TMEM240: variants seen among roughly 807,000 people sequenced by gnomAD.
The protein encoded by TMEM240 is transmembrane protein 240, also known as transmembrane protein C1orf70.
TMEM240 carries 3 observed loss-of-function variants against 19.5 expected under a neutral mutation model. The ratio of observed to expected loss-of-function variants is 0.15; its 90% CI spans 0.07 to 0.40. TMEM240 has a LOEUF of 0.40. Among genes scored for constraint, TMEM240 ranks in the 10% least tolerant of loss-of-function variants. The probability of loss-of-function intolerance (pLI) is 1.00; values close to 1 mark genes in which losing one functional copy is unlikely to be tolerated. For missense variants in TMEM240, 210 were observed against 253.5 expected, an observed-to-expected ratio of 0.83 and a Z score of 1.17; for synonymous variants, 123 against 109.3, an observed-to-expected ratio of 1.13 and a Z score of -0.78.
rs1229300923 is a variant in TMEM240, at chr1:1,540,392, G to GC, written c.-47dup. ...CGGAGCGCCGCCCCCCGGCCCCGGC[G>GC]CCCCCCCGGCCCCGGCCCGATGCTG... On this transcript the variant is annotated 5_prime_UTR_variant, in exon 1 of 4. Coordinates refer to ENST00000378733, the MANE Select transcript of TMEM240 (RefSeq NM_001114748.2). The GC allele has an allele frequency of 6.8e-5, 61 of 896,046 alleles. No homozygotes were observed. Among genetic ancestry groups the GC allele is most frequent in the East Asian group, 6.1e-4 (10 of 16,282 alleles). The allele number at this position is 896,046 out of a possible 1,614,324, so 55.5% of individuals were successfully genotyped here.
In TMEM240 at chr1:1,535,925, T is replaced by TG. The variant is rs2100695807; in HGVS notation, c.165-129dup. ...CTGGGGGTTCTCTGAAGCAGCCTCT[T>TG]GGGCGGGCGGGTCGGGAAGGGGGCA... On this transcript the variant is annotated intron_variant, in intron 2 of 3. Transcript: ENST00000378733. The surrounding 1 kb of genome is among the most constrained non-coding windows in gnomAD (Gnocchi z 8.2). 2.1e-5 allele frequency: 8 copies of TG among 379,092 alleles called. No individual in the cohort carries two copies. Among genetic ancestry groups the TG allele is most frequent in the Non-Finnish European group, 3.7e-5 (7 of 189,068 alleles). 23.5% of individuals were successfully genotyped at this position (379,092 alleles called of 1,614,324 possible).
chr1:1,540,553 T>G lies in TMEM240; in HGVS notation c.-207A>C. On this transcript the variant is annotated 5_prime_UTR_variant, in exon 1 of 4. Transcript: ENST00000378733. ...AGGGACGCGGGGCCTTTCTGGGGTC[T>G]CTCGGCCCGGCCCGCCGCGCTCCGC... is the stretch of plus-strand genomic sequence containing the variant. 1 of 165,210 alleles carries G rather than the reference T, an allele frequency of 6.1e-6. No individual in the cohort carries two copies. Among genetic ancestry groups the G allele is most frequent in the Non-Finnish European group, 1.3e-5 (1 of 78,318 alleles). 10.2% of individuals were successfully genotyped at this position (165,210 alleles called of 1,614,324 possible).
In TMEM240 at chr1:1,539,761, C is replaced by T. The variant is rs1432297894; in HGVS notation, c.87G>A (p.Ala29=). 1 of 1,547,534 alleles carries T rather than the reference C, an allele frequency of 6.5e-7. No individual in the cohort carries two copies. The highest frequency in any genetic ancestry group is 1.4e-5 in the African/African-American group (1 of 72,754). The change falls in exon 2 of 4, where the codon GCG becomes GCA. Residue 29 remains alanine (A), a synonymous_variant. Coordinates refer to ENST00000378733, the MANE Select transcript of TMEM240 (RefSeq NM_001114748.2). ...MAIACLMDMN[A]LLDRFHNYIL... ...TGTAGTTGTGGAATCGGTCCAGCAG[C>T]GCGTTCATGTCCATCAAGCACGCGA...
Position 1,539,808 on chromosome 1 carries a change from C to CGGTCAGCGCCAA in TMEM240, c.58-30_58-19dup. 6.7e-7 allele frequency: 1 copy of CGGTCAGCGCCAA among 1,486,804 alleles called. No homozygotes were observed. Among genetic ancestry groups the CGGTCAGCGCCAA allele is most frequent in the Non-Finnish European group, 9.0e-7 (1 of 1,109,372 alleles). 92.1% of individuals were successfully genotyped at this position (1,486,804 alleles called of 1,614,324 possible). On this transcript the variant is annotated intron_variant, in intron 1 of 3. Coordinates refer to ENST00000378733, the MANE Select transcript of TMEM240 (RefSeq NM_001114748.2). ...GCGATGGCCTGGAAGAGCTCATGACCGGTCAGCGCCAAGGAGCGGGCGGGA... is the reference window on the plus strand; with the variant it reads ...GCGATGGCCTGGAAGAGCTCATGACCGGTCAGCGCCAAGGTCAGCGCCAAGGAGCGGGCGGGA...
rs375367099 is a variant in TMEM240 at position 1,535,389 on chromosome 1, G to A, written c.492C>T (p.His164=). Reference sequence around the variant, plus strand: ...GGTGCCGCGGGCTGGGGTGGCCATTGTGGTAGAGTTTCTGCTTCACGTGTA... The same window carrying A: ...GGTGCCGCGGGCTGGGGTGGCCATTATGGTAGAGTTTCTGCTTCACGTGTA... ...NMVHVKQKLY[H]NGHPSPRHL The change falls in exon 4 of 4, where the codon CAC becomes CAT. Residue 164 remains histidine, a synonymous_variant. Transcript: ENST00000378733. This position sits in a 1 kb window ranked among gnomAD's most constrained non-coding sequence, Gnocchi z 8.2. 1.0e-3 allele frequency: 1,554 copies of A among 1,549,902 alleles called. 13 individuals are homozygous for A. The African/African-American group carries it at 0.018, about 18-fold the overall frequency.
rs1379867693 is a variant in TMEM240 at position 1,539,669 on chromosome 1, C to T, written c.164+15G>A. 6.5e-7 allele frequency: 1 copy of T among 1,545,482 alleles called. No individual in the cohort carries two copies. The highest frequency in any genetic ancestry group is 8.7e-7 in the Non-Finnish European group (1 of 1,144,532). ...GCGCTCACGCGTGTCGAGCCGGCGC[C>T]GGTTGTGGACTCACCGGCCACAGTT... is the stretch of plus-strand genomic sequence containing the variant. On this transcript the variant is annotated intron_variant, in intron 2 of 3. Coordinates refer to ENST00000378733, the MANE Select transcript of TMEM240 (RefSeq NM_001114748.2).
At chr1:1,537,395 C>T (rs1319450024) in intron 2 of TMEM240, among the ~76,000 whole-genome samples, 1 of 152,118 alleles carries the variant, frequency 6.6e-6, no homozygotes, top group Non-Finnish European at 1.5e-5. Context: ...TGTGCAGCTG[C>T]CAGAGGCCCT....
At position 1,540,264 on chromosome 1, in the gene TMEM240, C is replaced by T. The variant is rs963938645; in HGVS notation, c.57+26G>A. ...GCGCGCGCGGGCGGGGAGCAGGGGG[C>T]GCGCGCGGGAAGCCCCTCCGCTCAC... is the stretch of plus-strand genomic sequence containing the variant. On this transcript the variant is annotated intron_variant, in intron 1 of 3. Coordinates refer to ENST00000378733, the MANE Select transcript of TMEM240 (RefSeq NM_001114748.2). 5.4e-6 allele frequency: 7 copies of T among 1,303,604 alleles called. No homozygotes were observed. The South Asian group carries it at 7.0e-5, about 13-fold the overall frequency. 80.8% of individuals were successfully genotyped at this position (1,303,604 alleles called of 1,614,324 possible).
rs1188188260 is a variant in TMEM240 at position 1,536,034 on chromosome 1, G to A, written c.165-237C>T. ...GCTGTGGAGGCCGAGCGTGAAGTCCGGGCAGACAGCGGGACCAGCTGCCGG... is the reference window on the plus strand; with the variant it reads ...GCTGTGGAGGCCGAGCGTGAAGTCCAGGCAGACAGCGGGACCAGCTGCCGG... On this transcript the variant is annotated intron_variant, in intron 2 of 3. Transcript: ENST00000378733. This position sits in a 1 kb window ranked among gnomAD's most constrained non-coding sequence, Gnocchi z 5.4. Among the ~76,000 whole-genome samples the A allele has an allele frequency of 3.3e-5, 5 of 152,092 alleles. No homozygotes were observed. The highest frequency in any genetic ancestry group is 7.2e-5 in the African/African-American group (3 of 41,402).
In TMEM240 at chr1:1,536,216, C is replaced by T. The variant is rs906487625; in HGVS notation, c.165-419G>A. Among the ~76,000 whole-genome samples, 3 of 152,084 alleles carry T rather than the reference C, an allele frequency of 2.0e-5. No individual in the cohort carries two copies. The highest frequency in any genetic ancestry group is 4.4e-5 in the Non-Finnish European group (3 of 67,974). ...CCGCCCGCCCCGGGGCCGCGGAGGC[C>T]ACTTGGAGCAGAGCTGGACACAGGG... On this transcript the variant is annotated intron_variant, in intron 2 of 3. Transcript: ENST00000378733. The surrounding 1 kb of genome is among the most constrained non-coding windows in gnomAD (Gnocchi z 5.4).
At position 1,536,456 on chromosome 1, in the gene TMEM240, C is replaced by A. The variant is rs572630731; in HGVS notation, c.165-659G>T. Reference sequence around the variant, plus strand: ...GGGACGCCCCCTTGCCCTTGCCTGGCACAGACCCGCCCCGCTCCTCTCAGG... The same window carrying A: ...GGGACGCCCCCTTGCCCTTGCCTGGAACAGACCCGCCCCGCTCCTCTCAGG... On this transcript the variant is annotated intron_variant, in intron 2 of 3. Coordinates refer to ENST00000378733, the MANE Select transcript of TMEM240 (RefSeq NM_001114748.2). The surrounding 1 kb of genome is among the most constrained non-coding windows in gnomAD (Gnocchi z 5.4). Among the ~76,000 whole-genome samples the A allele has an allele frequency of 5.6e-3, 859 of 152,332 alleles. 7 individuals are homozygous for A. The highest frequency in any genetic ancestry group is 0.019 in the African/African-American group (781 of 41,560).
intron 2 of TMEM240, among the ~76,000 whole-genome samples, chr1:1,537,787 C>T (rs1335966415): frequency 6.6e-6 from 1 of 152,210 alleles, no homozygotes; most frequent in African/African-American, 2.4e-5. Flanking sequence ...CCGCCCTGTG[C>T]ACGGTGTGTC....
Position 1,536,680 on chromosome 1 carries a change from G to A in TMEM240, c.165-883C>T, listed in dbSNP as rs374466626. Among the ~76,000 whole-genome samples, 10 of 152,080 alleles carry A rather than the reference G, an allele frequency of 6.6e-5. No homozygotes were observed. Among genetic ancestry groups the A allele is most frequent in the African/African-American group, 2.4e-4 (10 of 41,434 alleles). The stretch of plus-strand genomic sequence containing the variant: ...CTCACCCTGTCCCAGGAAGGTCTCC[G>A]GGCCTTGACTCTGCCGATCGGACTG... On this transcript the variant is annotated intron_variant, in intron 2 of 3. Transcript: ENST00000378733. This position sits in a 1 kb window ranked among gnomAD's most constrained non-coding sequence, Gnocchi z 5.4.
In TMEM240 at chr1:1,537,357, A is replaced by G. The variant is rs541530103; in HGVS notation, c.165-1560T>C. ...CCACAGCCATCGTCCATCGTCACCAATGGGCAGCTGCTGACCACTGCCCAG... is the reference window on the plus strand; with the variant it reads ...CCACAGCCATCGTCCATCGTCACCAGTGGGCAGCTGCTGACCACTGCCCAG... On this transcript the variant is annotated intron_variant, in intron 2 of 3. Transcript: ENST00000378733. Among the ~76,000 whole-genome samples, 17 of 152,184 alleles carry G rather than the reference A, an allele frequency of 1.1e-4. No homozygotes were observed. The East Asian group carries it at 3.3e-3, about 29-fold the overall frequency.
chr1:1,539,390 T>G, intron 2 of TMEM240: 1 of 438,818 alleles, frequency 2.3e-6, no homozygotes, highest in Non-Finnish European at 4.2e-6. Flanking sequence ...GGCTTGGGTC[T>G]CCACTGTGGA....
chr1:1,538,775 C>T (rs1642258833), intron 2 of TMEM240, among the ~76,000 whole-genome samples: 1 of 152,254 alleles, frequency 6.6e-6, no homozygotes, highest in Admixed American at 6.5e-5. Context: ...CTGTCCTGAA[C>T]ACACATGCCC....
In TMEM240 at chr1:1,540,295, C is replaced by T. The variant is rs1260753360; in HGVS notation, c.52G>A (p.Val18Met). ...MIFMILGASV[V>M]MAIACLMDMN... Reference sequence around the variant, plus strand: ...CGGGAAGCCCCTCCGCTCACCATCACGACCGACGCCCCCAGAATCATGAAG... The same window carrying T: ...CGGGAAGCCCCTCCGCTCACCATCATGACCGACGCCCCCAGAATCATGAAG... Residue 18 changes from valine to methionine, a missense_variant, in exon 1 of 4, where the codon GTG (valine) becomes ATG (methionine). Physicochemically the swap from Val to Met is conservative, Grantham distance 21. Coordinates refer to ENST00000378733, the MANE Select transcript of TMEM240 (RefSeq NM_001114748.2). 19 of 1,342,402 alleles carry T rather than the reference C, an allele frequency of 1.4e-5. No individual in the cohort carries two copies. The highest frequency in any genetic ancestry group is 1.7e-5 in the Non-Finnish European group (18 of 1,039,044). 83.2% of individuals were successfully genotyped at this position (1,342,402 alleles called of 1,614,324 possible).
intron 2 of TMEM240, chr1:1,539,251 C>CG: frequency 5.7e-6 from 1 of 176,262 alleles, no homozygotes; most frequent in South Asian, 1.1e-4. Context: ...CTCTCCAGCC[C>CG]GGGGGTGGTG....
chr1:1,540,552 C>G lies in TMEM240; in HGVS notation c.-206G>C, dbSNP rs1317793493. 2 of 167,274 alleles carry G rather than the reference C, an allele frequency of 1.2e-5. No homozygotes were observed. The highest frequency in any genetic ancestry group is 1.3e-4 in the Admixed American group (2 of 15,818). The allele number at this position is 167,274 out of a possible 1,614,324, so 10.4% of individuals were successfully genotyped here. A position where few individuals can be genotyped will look rare whatever the true frequency, so the allele number is the denominator to read the frequency against. ...GAGGGACGCGGGGCCTTTCTGGGGT[C>G]TCTCGGCCCGGCCCGCCGCGCTCCG... On this transcript the variant is annotated 5_prime_UTR_variant, in exon 1 of 4. Transcript: ENST00000378733.
Sources: allele counts gnomAD v4.1 joint callset (sites outside exome capture counted in the v4.1 genomes callset), GRCh38; gene constraint gnomAD v4.1.1; non-coding constraint Gnocchi (gnomAD v3.1); transcripts MANE v1.5; gene names NCBI Gene and HGNC (gene_info 2026-07-23, HGNC 2026-07-21).